Variants in RBFOX1 observed in about 807,000 individuals in gnomAD.
RBFOX1 encodes RNA binding fox-1 homolog 1, also known as RNA binding protein fox-1 homolog 1.
In RBFOX1, 8 loss-of-function variants were observed where a neutral mutation model predicts 57.7. The observed-to-expected ratio is 0.14, with a 90% confidence interval of 0.08 to 0.25. The LOEUF (loss-of-function observed/expected upper bound fraction) is 0.25. RBFOX1 is among the 10% of genes least tolerant of loss of function. RBFOX1 has a pLI of 1.00. For missense variants in RBFOX1, 611 were observed against 548.5 expected (o/e 1.11, Z -1.14); for synonymous variants, 326 against 222.4 (o/e 1.47, Z -4.15).
chr16:6,625,054 G>A (rs907665905), intron 2 of RBFOX1, among the ~76,000 whole-genome samples: 1 of 144,696 alleles, frequency 6.9e-6, no homozygotes, highest in African/African-American at 2.5e-5. Context: ...AATCCCAGCT[G>A]TTTGGGAGGC....
intron 2 of RBFOX1, among the ~76,000 whole-genome samples, chr16:6,652,677 C>G (rs903045092): frequency 6.6e-6 from 1 of 151,998 alleles, no homozygotes; most frequent in Admixed American, 6.6e-5. Flanking sequence ...TATGGCATTC[C>G]TAGCCGACTC....
chr16:7,160,746 T>G (rs188773253), intron 4 of RBFOX1, among the ~76,000 whole-genome samples: 2 of 152,056 alleles, frequency 1.3e-5, no homozygotes, highest in East Asian at 3.9e-4. Context: ...CATAGGTACC[T>G]ATGTCTATTC....
intron 2 of RBFOX1, among the ~76,000 whole-genome samples, chr16:6,569,025 A>T (rs1427461148): frequency 6.6e-6 from 1 of 152,088 alleles, no homozygotes; most frequent in African/African-American, 2.4e-5. Context: ...TGCCTACCTC[A>T]GCCTCCCACA....
intron 1 of RBFOX1, among the ~76,000 whole-genome samples, chr16:5,301,766 C>A (rs1477147071): frequency 6.6e-6 from 1 of 152,090 alleles, no homozygotes; most frequent in Non-Finnish European, 1.5e-5. Flanking sequence ...TTACAGCCAC[C>A]CAGATGAAAC....
intron 2 of RBFOX1, among the ~76,000 whole-genome samples, chr16:6,396,222 C>T (rs1363945815): frequency 6.6e-6 from 1 of 151,940 alleles, no homozygotes; most frequent in Non-Finnish European, 1.5e-5. Context: ...CCCCAACAAC[C>T]ATAAGTAGGC....
chr16:5,369,467 C>G (rs556955138), intron 1 of RBFOX1, among the ~76,000 whole-genome samples: 58 of 152,368 alleles, frequency 3.8e-4, no homozygotes, highest in African/African-American at 1.3e-3. Flanking sequence ...GTACCAGGCA[C>G]TGCACTTAGA....
chr16:5,336,510 G>A (rs916132922), intron 1 of RBFOX1, among the ~76,000 whole-genome samples: 3 of 152,180 alleles, frequency 2.0e-5, no homozygotes, highest in Non-Finnish European at 4.4e-5. Flanking sequence ...AATTATCTGT[G>A]TGTGGATGAG....
At chr16:7,144,129 C>G (rs1458932841) in intron 4 of RBFOX1, among the ~76,000 whole-genome samples, 1 of 152,066 alleles carries the variant, frequency 6.6e-6, no homozygotes, top group East Asian at 1.9e-4. Flanking sequence ...GGTAATAGAT[C>G]ATGAATATCT....
At chr16:5,485,809 A>C (rs1022531357) in intron 2 of RBFOX1, among the ~76,000 whole-genome samples, 2 of 152,208 alleles carry the variant, frequency 1.3e-5, no homozygotes, top group Non-Finnish European at 2.9e-5. Context: ...AAGAACGACC[A>C]TGGGTTTGGG....
intron 1 of RBFOX1, among the ~76,000 whole-genome samples, chr16:5,392,811 G>C (rs1173875512): frequency 1.3e-5 from 2 of 152,062 alleles, no homozygotes; most frequent in Non-Finnish European, 2.9e-5. Context: ...CTGACCCTGT[G>C]GGCAGCAGGA....
chr16:6,025,384 T>G (rs935617866), intron 1 of RBFOX1, among the ~76,000 whole-genome samples: 1 of 152,218 alleles, frequency 6.6e-6, no homozygotes, highest in Non-Finnish European at 1.5e-5. Flanking sequence ...AAGAACCTCA[T>G]TTTCCAGTAA....
At position 5,405,432 on chromosome 16, in the gene RBFOX1, A is replaced by T. The variant is rs189758447; in HGVS notation, c.220-61784A>T. Reference sequence around the variant, plus strand: ...AACTCTCTTTTGCCTATTGCCATGTAAGATGTGCCTTTTGCCTTCTGCCAT... The same window carrying T: ...AACTCTCTTTTGCCTATTGCCATGTTAGATGTGCCTTTTGCCTTCTGCCAT... On this transcript the variant is annotated intron_variant, in intron 1 of 2. Transcript: ENST00000585867. Among the ~76,000 whole-genome samples the T allele has an allele frequency of 5.3e-3, 800 of 152,320 alleles. 10 individuals are homozygous for T. Among genetic ancestry groups the T allele is most frequent in the African/African-American group, 0.018 (754 of 41,560 alleles).
intron 3 of RBFOX1, among the ~76,000 whole-genome samples, chr16:5,741,564 A>T (rs1262029783): frequency 6.6e-6 from 1 of 152,220 alleles, no homozygotes; most frequent in Non-Finnish European, 1.5e-5. Flanking sequence ...TCATTAAAGG[A>T]GATGTAAAAA....
chr16:5,530,373 C>T (rs778425410), intron 2 of RBFOX1, among the ~76,000 whole-genome samples: 8 of 152,116 alleles, frequency 5.3e-5, no homozygotes, highest in Non-Finnish European at 1.2e-4. Flanking sequence ...GATACAGAAT[C>T]AGGGTTCAGA....
rs146686708 is a variant in RBFOX1, at chr16:5,588,021, A to G, written c.259-10881A>G. Among the ~76,000 whole-genome samples the G allele has an allele frequency of 1.4e-3, 206 of 152,294 alleles. 2 individuals carry two copies. Among genetic ancestry groups the G allele is most frequent in the East Asian group, 0.012 (62 of 5,196 alleles). The stretch of plus-strand genomic sequence containing the variant: ...TCTCTCTATGCAATAGAATATTTTC[A>G]GCAATAAAAAAGGCCTGCATCCCTG... On this transcript the variant is annotated intron_variant, in intron 2 of 2. Transcript: ENST00000585867.
At chr16:6,950,385 A>G (rs1019563246) in intron 3 of RBFOX1, among the ~76,000 whole-genome samples, 1 of 151,256 alleles carries the variant, frequency 6.6e-6, no homozygotes, top group African/African-American at 2.4e-5. Flanking sequence ...TCCACCCACC[A>G]CCCACTACCC....
At chr16:5,271,765 C>G (rs1596355160) in intron 1 of RBFOX1, among the ~76,000 whole-genome samples, 1 of 152,144 alleles carries the variant, frequency 6.6e-6, no homozygotes, top group Admixed American at 6.5e-5. Context: ...TTCCTGCGCC[C>G]CAGCCCCTGA....
At chr16:5,665,964 C>G (rs571880113) in intron 3 of RBFOX1, among the ~76,000 whole-genome samples, 1 of 152,350 alleles carries the variant, frequency 6.6e-6, no homozygotes, top group Admixed American at 6.5e-5. Context: ...GACGAAATGT[C>G]AAAGGGTGAA....
intron 1 of RBFOX1, among the ~76,000 whole-genome samples, chr16:6,132,216 A>C: frequency 6.6e-6 from 1 of 152,348 alleles, no homozygotes; most frequent in Middle Eastern, 3.4e-3. Flanking sequence ...CACTTTCGGC[A>C]GCAACAGCAA....
Sources: allele counts gnomAD v4.1 joint callset (sites outside exome capture counted in the v4.1 genomes callset), GRCh38; gene constraint gnomAD v4.1.1; transcripts MANE v1.5; gene names NCBI Gene and HGNC (gene_info 2026-07-23, HGNC 2026-07-21).